The following ABR variants were observed in gnomAD, a reference collection of about 807,000 sequenced individuals.
ABR encodes the protein ABR activator of RhoGEF and GTPase, also known as active breakpoint cluster region-related protein.
Under a neutral mutation model 107.2 loss-of-function variants are expected in ABR, and 35 were observed. The observed-to-expected ratio is 0.33, with a 90% CI of 0.25 to 0.43. The LOEUF (loss-of-function observed/expected upper bound fraction) is 0.43. Ranked by LOEUF, ABR falls within the 20% of genes least tolerant of loss-of-function variation. The pLI is 1.00. For missense variants in ABR, 815 were observed against 1,115.2 expected (o/e 0.73, Z 3.83); for synonymous variants, 498 against 462.0 (o/e 1.08, Z -1.00).
At chr17:1,081,888 G>C (rs1298218484) in intron 5 of ABR, among the ~76,000 whole-genome samples, 2 of 152,136 alleles carry the variant, frequency 1.3e-5, no homozygotes, top group Admixed American at 1.3e-4. Context: ...CTATAGGTAC[G>C]TTTCATTCCA....
chr17:1,188,728 A>G (rs1014043796), upstream of ABR, among the ~76,000 whole-genome samples: 1 of 152,086 alleles, frequency 6.6e-6, no homozygotes, highest in African/African-American at 2.4e-5. Flanking sequence ...GCGAGTTCCC[A>G]TCTCACCCCC....
intron 16 of ABR, among the ~76,000 whole-genome samples, chr17:1,014,489 T>C (rs1205511245): frequency 6.6e-6 from 1 of 151,212 alleles, no homozygotes; most frequent in East Asian, 2.0e-4. Flanking sequence ...AACACAGCTA[T>C]AGGGCTAATA....
At chr17:1,065,941 C>T (rs1293264701) in intron 10 of ABR, among the ~76,000 whole-genome samples, 2 of 152,084 alleles carry the variant, frequency 1.3e-5, no homozygotes, top group African/African-American at 4.8e-5. Context: ...AATGGGGTTT[C>T]ACCATGTTGG....
chr17:1,006,016 C>CT lies in ABR; in HGVS notation c.*63dup, dbSNP rs1486965429. ...AGTTTTCTATTGCAGTCTTTCAAGT[C>CT]TGAGTTGGACCCCAGGCTGGAGGGG... On this transcript the variant is annotated 3_prime_UTR_variant, in exon 23 of 23. Coordinates refer to ENST00000302538, the MANE Select transcript of ABR (RefSeq NM_021962.5). The CT allele has an allele frequency of 7.1e-7, 1 of 1,416,926 alleles. No individual in the cohort carries two copies. The highest frequency in any genetic ancestry group is 9.8e-7 in the Non-Finnish European group (1 of 1,025,170). 87.8% of individuals were successfully genotyped at this position (1,416,926 alleles called of 1,614,324 possible).
chr17:1,156,100 C>T (rs1274949276), intron 1 of ABR: 2 of 152,214 alleles, frequency 1.3e-5, no homozygotes, highest in Non-Finnish European at 2.9e-5. Context: ...ACACTGTGAT[C>T]CTCAATGGGG....
chr17:1,201,618 C>T (rs966011490), intron 1 of ABR, among the ~76,000 whole-genome samples: 21 of 152,168 alleles, frequency 1.4e-4, no homozygotes, highest in South Asian at 6.2e-4. Flanking sequence ...CAAAACCACA[C>T]GCTTTGTTTT....
rs528243183 is a variant in ABR at position 1,012,866 on chromosome 17, A to C, written c.1852-69T>G. 276 of 1,353,440 alleles carry C rather than the reference A, an allele frequency of 2.0e-4. No individual in the cohort carries two copies. The Middle Eastern group carries it at 2.9e-3, about 14-fold the overall frequency. 83.8% of individuals were successfully genotyped at this position (1,353,440 alleles called of 1,614,324 possible). ...TGCCCGAGGAATGCCCCCAAAACACAGGGGTCCCCTCCCCAAGACTGCAAA... is the reference window on the plus strand; with the variant it reads ...TGCCCGAGGAATGCCCCCAAAACACCGGGGTCCCCTCCCCAAGACTGCAAA... On this transcript the variant is annotated intron_variant, in intron 17 of 22. Coordinates refer to ENST00000302538, the MANE Select transcript of ABR (RefSeq NM_021962.5).
intron 16 of ABR, among the ~76,000 whole-genome samples, chr17:1,021,654 A>G (rs2071659280): frequency 1.3e-5 from 2 of 151,420 alleles, no homozygotes; most frequent in South Asian, 4.2e-4. Flanking sequence ...AAATACAAAA[A>G]TTAGCCAGGC....
intron 9 of ABR, among the ~76,000 whole-genome samples, chr17:1,069,713 T>A (rs1001072395): frequency 2.0e-5 from 3 of 151,900 alleles, no homozygotes; most frequent in Admixed American, 1.3e-4. Flanking sequence ...GCTCCATGGG[T>A]GGCAGGGTCC....
intron 9 of ABR, among the ~76,000 whole-genome samples, chr17:1,067,610 G>A (rs891794568): frequency 2.6e-5 from 4 of 152,114 alleles, no homozygotes; most frequent in Non-Finnish European, 4.4e-5. Context: ...TAGACTATCC[G>A]TGTTCAATAT....
chr17:1,203,680 G>A (rs2042731519), intron 1 of ABR, among the ~76,000 whole-genome samples: 1 of 152,176 alleles, frequency 6.6e-6, no homozygotes, highest in Non-Finnish European at 1.5e-5. Flanking sequence ...GGCGGGAGCG[G>A]TGATGCAGAC....
chr17:1,159,715 C>T (rs1278426234), intron 1 of ABR, among the ~76,000 whole-genome samples: 2 of 138,066 alleles, frequency 1.4e-5, no homozygotes, highest in Non-Finnish European at 3.1e-5. Flanking sequence ...GGTACTCACG[C>T]ACAAGGGAAG....
At chr17:1,058,314 G>T (rs2033575663) in intron 11 of ABR, among the ~76,000 whole-genome samples, 1 of 151,918 alleles carries the variant, frequency 6.6e-6, no homozygotes. Context: ...TAATTTTTGT[G>T]TTTTTAGTAG....
Position 1,091,861 on chromosome 17 carries a change from CAG to C in ABR, c.346-13_346-12del, listed in dbSNP as rs1567738281. 6.2e-7 allele frequency: 1 copy of C among 1,609,774 alleles called. No homozygotes were observed. The highest frequency in any genetic ancestry group is 1.3e-5 in the African/African-American group (1 of 74,792). On this transcript the variant is annotated splice_polypyrimidine_tract_variant and intron_variant, in intron 3 of 22. Transcript: ENST00000302538. ...CAGGGGTTTCATGGGCTGGGAGAAACAGAGGAAGAAAGAGCAGAGGTCGGGGG... is the reference window on the plus strand; with the variant it reads ...CAGGGGTTTCATGGGCTGGGAGAAACAGGAAGAAAGAGCAGAGGTCGGGGG...
rs2033629973 is a variant in ABR, at chr17:1,058,850, C to G, written c.1200G>C (p.Gln400His). 1 of 1,614,076 alleles carries G rather than the reference C, an allele frequency of 6.2e-7. No individual in the cohort carries two copies. The highest frequency in any genetic ancestry group is 8.5e-7 in the Non-Finnish European group (1 of 1,180,044). The change falls in exon 11 of 23, where the codon CAG becomes CAC. Residue 400 changes from glutamine (Q) to histidine (H), a missense_variant. Gln to His is a conservative substitution (Grantham distance 24). Around this residue, in one of 5 missense-constraint regions of ABR, gnomAD observed 385 missense variants for 596.9 expected, o/e 0.64. Coordinates refer to ENST00000302538, the MANE Select transcript of ABR (RefSeq NM_021962.5). The stretch of plus-strand genomic sequence containing the variant: ...TCTTCAGGCGCTCGATGGCCCGGCT[C>G]TGGCCTTTGTTGGCTTTCTGCAGGA... ...EIQKEKANKG[Q>H]SRAIERLKKK...
chr17:1,150,778 TCACGCA>T lies in ABR; in HGVS notation c.62-25417_62-25412del, dbSNP rs1370837463. Among the ~76,000 whole-genome samples, 1 of 152,016 alleles carries T rather than the reference TCACGCA, an allele frequency of 6.6e-6. No individual in the cohort carries two copies. The highest frequency in any genetic ancestry group is 1.5e-5 in the Non-Finnish European group (1 of 68,002). On this transcript the variant is annotated intron_variant, in intron 1 of 22. Transcript: ENST00000302538. The surrounding 1 kb of genome is among the most constrained non-coding windows in gnomAD (Gnocchi z 4.8). ...GCAGGGAGGGACGAAGGGAGGAGCA[TCACGCA>T]CACAGACGCCGGACTCCCTAGGTTC...
intron 16 of ABR, among the ~76,000 whole-genome samples, chr17:1,041,109 G>A (rs912494555): frequency 3.9e-5 from 6 of 151,950 alleles, no homozygotes; most frequent in African/African-American, 7.3e-5. Context: ...TAGTAGAGAC[G>A]GCGTTTCACC....
At chr17:1,100,884 C>T (rs1028659677) in intron 2 of ABR, 149 bp from the exon 3 acceptor site, 7 of 723,476 alleles carry the variant, frequency 9.7e-6, no homozygotes, top group Non-Finnish European at 1.4e-5. Context: ...AGTAAAGTGG[C>T]ACAATCTCGG....
At position 1,202,022 on chromosome 17, in the gene ABR, T is replaced by A. The variant is rs1011120572; in HGVS notation, c.838+26771A>T. On this transcript the variant is annotated intron_variant, in intron 1 of 22. Transcript: ENST00000574139. ...AAAGTCAAAGCAACGCTATTCTTCA[T>A]AAGTGTGTTCCTCCCATACTTTGCT... is the stretch of plus-strand genomic sequence containing the variant. 9.9e-5 allele frequency among the ~76,000 whole-genome samples: 15 copies of A among 152,190 alleles called. No individual in the cohort carries two copies. The East Asian group carries it at 2.7e-3, about 28-fold the overall frequency.
Sources: gnomAD v4.1 joint callset for allele counts (sites outside exome capture counted in the v4.1 genomes callset) on GRCh38, gnomAD v4.1.1 for gene constraint, gnomAD v4.1.1 regional missense constraint, Gnocchi (gnomAD v3.1) non-coding constraint, MANE v1.5 for transcripts, NCBI Gene and HGNC (gene_info 2026-07-23, HGNC 2026-07-21) for gene names.